Variants in DPEP1 observed in about 807,000 individuals in gnomAD.
DPEP1 encodes the protein beta-lactamase.
Under a neutral mutation model 42.3 loss-of-function variants are expected in DPEP1, and 50 were observed. The observed-to-expected ratio is 1.18, with a 90% CI of 0.94 to 1.50. DPEP1 has a LOEUF of 1.50. Ranked by LOEUF, DPEP1 falls within the 40% of genes most tolerant of loss-of-function variation. DPEP1 has a pLI of 0.00. For synonymous variants in DPEP1, 297 were observed against 234.0 expected (o/e 1.27, Z -2.46); for missense variants, 663 against 553.0 (o/e 1.20, Z -1.99).
chr16:89,624,114 G>C (rs1779703634), intron 1 of DPEP1, among the ~76,000 whole-genome samples: 1 of 152,194 alleles, frequency 6.6e-6, no homozygotes, highest in Admixed American at 6.5e-5. Context: ...AGGAGGACTG[G>C]GGAGTGAATT....
At chr16:89,640,294 G>T (rs2059733774), downstream of DPEP1, among the ~76,000 whole-genome samples, 2 of 152,216 alleles carry the variant, frequency 1.3e-5, no homozygotes, top group South Asian at 4.1e-4. Context: ...CTTCCGTTAG[G>T]AAGTGGGAAG....
intron 9 of DPEP1, 52 bp from the exon 10 acceptor site, chr16:89,637,784 G>C (rs1354073096): frequency 2.4e-5 from 39 of 1,612,576 alleles, no homozygotes; most frequent in Non-Finnish European, 3.3e-5. Context: ...GTGGCTGGAG[G>C]AGGGACCTGT....
intron 1 of DPEP1, among the ~76,000 whole-genome samples, chr16:89,626,746 G>C (rs537983856): frequency 6.6e-6 from 1 of 151,804 alleles, no homozygotes; most frequent in Non-Finnish European, 1.5e-5. Flanking sequence ...CTTTGCCTTC[G>C]GCCATGATTG....
intron 1 of DPEP1, among the ~76,000 whole-genome samples, chr16:89,620,032 C>T (rs1199442875): frequency 2.0e-5 from 3 of 148,784 alleles, no homozygotes; most frequent in African/African-American, 5.0e-5. Flanking sequence ...GCCCCCCTCC[C>T]GCCGCAACCT....
intron 1 of DPEP1, among the ~76,000 whole-genome samples, chr16:89,629,277 G>T (rs183424615): frequency 1.5e-3 from 228 of 152,304 alleles, no homozygotes; most frequent in African/African-American, 5.3e-3. Flanking sequence ...AAGCAGGCAG[G>T]TTTGCTTGAG....
rs775964676 is a variant in DPEP1, at chr16:89,638,171, G to A, written c.1185G>A (p.Gly395=). 1 of 1,603,850 alleles carries A rather than the reference G, an allele frequency of 6.2e-7. No individual in the cohort carries two copies. Among genetic ancestry groups the A allele is most frequent in the Non-Finnish European group, 8.5e-7 (1 of 1,174,004 alleles). Residue 395 remains glycine (G), a synonymous_variant, in exon 11 of 11, where the codon GGG becomes GGA. Coordinates refer to ENST00000690203, the MANE Select transcript of DPEP1 (RefSeq NM_001389466.1). ...SGASSLHRHW[G]LLLASLAPLV... Reference sequence around the variant, plus strand: ...CTTCCAGCCTCCATCGCCACTGGGGGCTCCTGCTGGCCTCCCTCGCTCCCC... The same window carrying A: ...CTTCCAGCCTCCATCGCCACTGGGGACTCCTGCTGGCCTCCCTCGCTCCCC...
At chr16:89,614,867 G>C (rs2059367350) in intron 1 of DPEP1, among the ~76,000 whole-genome samples, 1 of 152,202 alleles carries the variant, frequency 6.6e-6, no homozygotes, top group South Asian at 2.1e-4. Flanking sequence ...GGACATGCTA[G>C]AGAGAAAGCC....
rs201263684 is a variant in DPEP1, at chr16:89,635,909, C to A, written c.106C>A (p.His36Asn). Residue 36 changes from histidine (H) to asparagine (N), a missense_variant and splice_region_variant, in exon 3 of 11, where the codon CAC becomes AAC. Coordinates refer to ENST00000690203, the MANE Select transcript of DPEP1 (RefSeq NM_001389466.1). ...IMRDSPVIDG[H>N]NDLPWQLLDM... ...TGGCCTCTCCCCGGCAAACTCCAGGCACAATGACCTCCCCTGGCAGCTGCT... is the reference window on the plus strand; with the variant it reads ...TGGCCTCTCCCCGGCAAACTCCAGGAACAATGACCTCCCCTGGCAGCTGCT... 6.3e-7 allele frequency: 1 copy of A among 1,598,200 alleles called. No homozygotes were observed. The highest frequency in any genetic ancestry group is 1.1e-5 in the South Asian group (1 of 88,776).
At chr16:89,614,292 T>G (rs1018869487) in intron 1 of DPEP1, among the ~76,000 whole-genome samples, 17 of 152,154 alleles carry the variant, frequency 1.1e-4, no homozygotes, top group African/African-American at 3.6e-4. Context: ...TGGCGCCCAG[T>G]GCGGTCCTAG....
chr16:89,616,336 C>T (rs972041639), intron 1 of DPEP1, among the ~76,000 whole-genome samples: 3 of 152,198 alleles, frequency 2.0e-5, no homozygotes, highest in Non-Finnish European at 4.4e-5. Context: ...CGGGGCTGAC[C>T]GGGCACAGTT....
chr16:89,630,424 G>T lies in DPEP1; in HGVS notation c.14G>T (p.Trp5Leu), dbSNP rs1394056351. Residue 5 changes from tryptophan (W) to leucine (L), a missense_variant, in exon 2 of 11, where the codon TGG (tryptophan) becomes TTG (leucine). By Grantham distance (61) the Trp-to-Leu change is moderately conservative (BLOSUM62 -2). Transcript: ENST00000690203. Reference protein sequence around the residue: MWSGWWLWPLVAVCT... With the variant: MWSGLWLWPLVAVCT... ...GGGGACCCCACCATGTGGAGCGGAT[G>T]GTGGCTGTGGCCCCTTGTGGCCGTC... The T allele has an allele frequency of 6.2e-7, 1 of 1,610,908 alleles. No homozygotes were observed. Among genetic ancestry groups the T allele is most frequent in the East Asian group, 2.2e-5 (1 of 44,740 alleles).
Position 89,638,036 on chromosome 16 carries a change from G to A in DPEP1, c.1066-16G>A, listed in dbSNP as rs750628619. 9.9e-6 allele frequency: 16 copies of A among 1,611,498 alleles called. No homozygotes were observed. The highest frequency in any genetic ancestry group is 1.7e-5 in the Admixed American group (1 of 59,846). On this transcript the variant is annotated splice_polypyrimidine_tract_variant and intron_variant, in intron 10 of 10. Transcript: ENST00000690203. ...CCAGCAGGCAGGCTGCCCCACCCGT[G>A]TCTGTCTGTCCCCAGGCCAGCAACC...
Position 89,634,571 on chromosome 16 carries a change from CTCCTTTCCCCTTCCTTCT to C in DPEP1, c.105-1336_105-1319del, listed in dbSNP as rs1567990025. ...CCCTTCCTTCTCCTTTCCCTTCCTT[CTCCTTTCCCCTTCCTTCT>C]CCTTTCCCTTCCTTCTCCTTTCCCC... On this transcript the variant is annotated intron_variant, in intron 2 of 10. Coordinates refer to ENST00000690203, the MANE Select transcript of DPEP1 (RefSeq NM_001389466.1). 3.2e-4 allele frequency among the ~76,000 whole-genome samples: 17 copies of C among 53,498 alleles called. 1 individual carries two copies. Among genetic ancestry groups the C allele is most frequent in the Non-Finnish European group, 7.8e-4 (14 of 17,880 alleles). 35.1% of individuals were successfully genotyped at this position (53,498 alleles called of 152,430 possible).
chr16:89,636,997 C>A, intron 6 of DPEP1, 62 bp downstream of exon 6: 1 of 1,590,970 alleles, frequency 6.3e-7, no homozygotes, highest in South Asian at 1.1e-5. Context: ...GGAGGGTGAC[C>A]AGAACAATGC....
At position 89,634,970 on chromosome 16, in the gene DPEP1, CT is replaced by C. The variant is rs141840553; in HGVS notation, c.105-937del. ...CCCTTCCTTCTCCTTTCCCTTCCTT[CT>C]CCTTTCCCTTCCTTCTCCTTTCCCT... On this transcript the variant is annotated intron_variant, in intron 2 of 10. Coordinates refer to ENST00000690203, the MANE Select transcript of DPEP1 (RefSeq NM_001389466.1). 9.6e-4 allele frequency among the ~76,000 whole-genome samples: 40 copies of C among 41,678 alleles called. 2 individuals carry two copies. In the East Asian group the frequency reaches 0.022, roughly 23 times the overall value. 27.3% of individuals were successfully genotyped at this position (41,678 alleles called of 152,430 possible).
At chr16:89,614,897 G>A (rs2059367586) in intron 1 of DPEP1, among the ~76,000 whole-genome samples, 1 of 152,198 alleles carries the variant, frequency 6.6e-6, no homozygotes, top group African/African-American at 2.4e-5. Context: ...GGCGGAAGTT[G>A]GAGTCTGGAG....
In DPEP1 at chr16:89,627,107, G is replaced by GA. The variant is rs999724157; in HGVS notation, c.-106-3190dup. ...AAAACTTGTCTCTACTAAAAAAAAA[G>GA]AAAAAAAAGAAAAAAATTAGCCGGG... On this transcript the variant is annotated intron_variant, in intron 1 of 10. Transcript: ENST00000690203. Among the ~76,000 whole-genome samples the GA allele has an allele frequency of 4.1e-5, 6 of 148,010 alleles. No homozygotes were observed. The East Asian group carries it at 1.4e-3, about 34-fold the overall frequency.
chr16:89,635,553 C>T (rs999402338), intron 2 of DPEP1, among the ~76,000 whole-genome samples: 7 of 152,194 alleles, frequency 4.6e-5, no homozygotes, highest in Non-Finnish European at 8.8e-5. Flanking sequence ...CCTTGCCCCT[C>T]ACGTCTCCAA....
chr16:89,625,072 G>T (rs561364896), intron 1 of DPEP1, among the ~76,000 whole-genome samples: 10 of 152,258 alleles, frequency 6.6e-5, no homozygotes, highest in Non-Finnish European at 1.3e-4. Context: ...GTAGTTTTTG[G>T]AAGTTGGTGT....
Sources: allele counts gnomAD v4.1 joint callset (sites outside exome capture counted in the v4.1 genomes callset), GRCh38; gene constraint gnomAD v4.1.1; transcripts MANE v1.5; gene names NCBI Gene and HGNC (gene_info 2026-07-23, HGNC 2026-07-21).